The following WDFY1 variants were observed in gnomAD, a reference collection of about 807,000 sequenced individuals.
WDFY1 encodes the protein WD repeat and FYVE domain-containing protein 1.
WDFY1 carries 32 observed loss-of-function variants against 56.4 expected under a neutral mutation model. The observed-to-expected ratio is 0.57, with a 90% CI of 0.43 to 0.76. The LOEUF is 0.76. WDFY1 is among the 30% of genes least tolerant of loss of function. The probability of loss-of-function intolerance (pLI) is 0.00; values close to 1 mark genes in which losing one functional copy is unlikely to be tolerated. For missense variants in WDFY1, 480 were observed against 545.7 expected (o/e 0.88, Z 1.20); for synonymous variants, 192 against 197.3 (o/e 0.97, Z 0.23).
intron 2 of WDFY1, among the ~76,000 whole-genome samples, chr2:223,917,261 T>C (rs1304539783): frequency 1.3e-5 from 2 of 152,170 alleles, no homozygotes; most frequent in East Asian, 1.9e-4. Flanking sequence ...GGTGAAAAGG[T>C]TGGGCAAAGG....
At chr2:223,902,872 C>G (rs1693527684) in intron 4 of WDFY1, among the ~76,000 whole-genome samples, 1 of 151,840 alleles carries the variant, frequency 6.6e-6, no homozygotes, top group African/African-American at 2.4e-5. Flanking sequence ...TCCACTAAAT[C>G]TGTAGTTGTT....
chr2:223,923,002 A>G (rs1693912092), intron 1 of WDFY1, among the ~76,000 whole-genome samples: 1 of 152,162 alleles, frequency 6.6e-6, no homozygotes, highest in African/African-American at 2.4e-5. Flanking sequence ...AATTGTCAAG[A>G]CTTCCACGAT....
At chr2:223,913,158 T>C (rs1330742538) in intron 2 of WDFY1, among the ~76,000 whole-genome samples, 1 of 150,296 alleles carries the variant, frequency 6.7e-6, no homozygotes, top group African/African-American at 2.5e-5. Flanking sequence ...GGCAGGAGGA[T>C]TGCTTGAGGC....
intron 1 of WDFY1, among the ~76,000 whole-genome samples, chr2:223,932,897 T>C (rs990570395): frequency 3.3e-5 from 5 of 150,796 alleles, no homozygotes; most frequent in South Asian, 2.1e-4. Context: ...TCTGGCATGC[T>C]AGATGGTTTC....
chr2:223,902,069 A>C (rs1693516555), intron 4 of WDFY1, among the ~76,000 whole-genome samples: 3 of 152,238 alleles, frequency 2.0e-5, no homozygotes, highest in African/African-American at 7.2e-5. Context: ...ATAAGCATCC[A>C]GTCTGATGAA....
chr2:223,905,435 A>T (rs1693581131), intron 4 of WDFY1, among the ~76,000 whole-genome samples: 2 of 152,182 alleles, frequency 1.3e-5, no homozygotes, highest in South Asian at 4.1e-4. Context: ...TGGGAGGGTC[A>T]CTTAAGGTCA....
chr2:223,879,850 AG>A (rs1666488595), intron 11 of WDFY1, among the ~76,000 whole-genome samples: 1 of 152,202 alleles, frequency 6.6e-6, no homozygotes, highest in Non-Finnish European at 1.5e-5. Context: ...CAGGCCAGCA[AG>A]GGAGAACCCA....
At chr2:223,912,449 G>A (rs1425567098) in intron 2 of WDFY1, 123 bp from the exon 3 acceptor site, 3 of 639,124 alleles carry the variant, frequency 4.7e-6, no homozygotes, top group South Asian at 4.5e-5. Flanking sequence ...GGGTAAAAAC[G>A]TTTTATACAA....
At chr2:223,902,983 A>T (rs191817306) in intron 4 of WDFY1, among the ~76,000 whole-genome samples, 11 of 152,224 alleles carry the variant, frequency 7.2e-5, no homozygotes, top group African/African-American at 2.6e-4. Flanking sequence ...TCCTATTTCT[A>T]AGATTATATC....
intron 6 of WDFY1, among the ~76,000 whole-genome samples, chr2:223,897,670 G>A (rs1053425821): frequency 2.0e-5 from 3 of 151,904 alleles, no homozygotes; most frequent in African/African-American, 4.8e-5. Flanking sequence ...GTAAGCCAAC[G>A]GGCCCAGCCT....
At chr2:223,890,938 C>T (rs1001433664) in intron 8 of WDFY1, among the ~76,000 whole-genome samples, 3 of 152,168 alleles carry the variant, frequency 2.0e-5, no homozygotes, top group Non-Finnish European at 2.9e-5. Context: ...GCTTCCAACT[C>T]GACAGCGTAG....
chr2:223,905,528 T>C (rs1693582861), intron 4 of WDFY1, among the ~76,000 whole-genome samples: 1 of 152,042 alleles, frequency 6.6e-6, no homozygotes. Flanking sequence ...CAATGAATTA[T>C]AGGATTAGAG....
At chr2:223,915,660 C>G (rs1432146039) in intron 2 of WDFY1, among the ~76,000 whole-genome samples, 1 of 152,156 alleles carries the variant, frequency 6.6e-6, no homozygotes, top group Non-Finnish European at 1.5e-5. Context: ...AAATTTTCCC[C>G]AATGATGACA....
At chr2:223,895,412 G>A in intron 7 of WDFY1, 92 bp downstream of exon 7, 2 of 1,580,618 alleles carry the variant, frequency 1.3e-6, no homozygotes, top group South Asian at 2.2e-5. Flanking sequence ...TAGAACGTGG[G>A]GTTTGCAGAA....
chr2:223,885,563 T>C (rs577387510), intron 8 of WDFY1, among the ~76,000 whole-genome samples: 84 of 152,256 alleles, frequency 5.5e-4, no homozygotes, highest in Non-Finnish European at 9.6e-4. Context: ...TTGTAATCTA[T>C]AGATAGGAGG....
chr2:223,898,621 G>A (rs535251114), intron 6 of WDFY1, among the ~76,000 whole-genome samples: 1 of 152,070 alleles, frequency 6.6e-6, no homozygotes, highest in African/African-American at 2.4e-5. Context: ...GGCCAGGCTG[G>A]TCTCGAACTC....
chr2:223,941,788 T>C (rs1200570434), intron 1 of WDFY1, among the ~76,000 whole-genome samples: 1 of 152,198 alleles, frequency 6.6e-6, no homozygotes, highest in Non-Finnish European at 1.5e-5. Context: ...TAAAAAAGCT[T>C]TTTCTAAATG....
intron 4 of WDFY1, 75 bp downstream of exon 4, chr2:223,905,872 A>T: frequency 1.9e-6 from 2 of 1,074,310 alleles, no homozygotes; most frequent in Non-Finnish European, 2.5e-6. Flanking sequence ...TCTAATTTTC[A>T]TCATAAGAGA....
At chr2:223,913,556 T>C (rs1192793270) in intron 2 of WDFY1, among the ~76,000 whole-genome samples, 3 of 152,206 alleles carry the variant, frequency 2.0e-5, no homozygotes, top group Non-Finnish European at 4.4e-5. Context: ...AAGATATATA[T>C]ACATATCTTT....
Sources: allele counts gnomAD v4.1 joint callset (sites outside exome capture counted in the v4.1 genomes callset), GRCh38; gene constraint gnomAD v4.1.1; transcripts MANE v1.5; gene names NCBI Gene and HGNC (gene_info 2026-07-23, HGNC 2026-07-21).